The following CBL variants were observed in gnomAD, a reference collection of about 807,000 sequenced individuals.
The protein encoded by CBL is Cbl proto-oncogene, also known as E3 ubiquitin-protein ligase CBL.
CBL carries 45 observed loss-of-function variants against 96.9 expected under a neutral mutation model. The ratio of observed to expected loss-of-function variants is 0.46; its 90% CI spans 0.37 to 0.60. The LOEUF (loss-of-function observed/expected upper bound fraction) is 0.60, where lower values mean the gene tolerates loss of function less well. CBL is among the 20% of genes least tolerant of loss of function. The pLI, the probability that CBL is intolerant of heterozygous loss-of-function variation, is 0.00. For missense variants in CBL, 1,024 were observed against 1,143.5 expected (o/e 0.90, Z 1.51); for synonymous variants, 420 against 426.8 (o/e 0.98, Z 0.20).
intron 1 of CBL, among the ~76,000 whole-genome samples, chr11:119,210,132 T>C (rs1428115517): frequency 6.6e-6 from 1 of 152,090 alleles, no homozygotes; most frequent in Non-Finnish European, 1.5e-5. Context: ...ATCCCAACAC[T>C]TTGGGAGGAT....
chr11:119,266,650 C>T (rs1949805279), intron 2 of CBL, among the ~76,000 whole-genome samples: 1 of 151,902 alleles, frequency 6.6e-6, no homozygotes, highest in Admixed American at 6.6e-5. Flanking sequence ...ATACTGCATA[C>T]AGAATCAGCA....
In CBL at chr11:119,256,865, A is replaced by G. The variant is rs537088247; in HGVS notation, c.444-14870A>G. ...TACTTCACTTAGAATAATGGCCTCC[A>G]GCTCCGTCCAAGTTGCTGGAAAAGA... On this transcript the variant is annotated intron_variant, in intron 2 of 15. Coordinates refer to ENST00000264033, the MANE Select transcript of CBL (RefSeq NM_005188.4). Among the ~76,000 whole-genome samples the G allele has an allele frequency of 3.9e-4, 59 of 152,208 alleles. No individual in the cohort carries two copies. The South Asian group carries it at 7.7e-3, about 20-fold the overall frequency.
At chr11:119,252,458 T>C (rs952049524) in intron 2 of CBL, among the ~76,000 whole-genome samples, 4 of 152,204 alleles carry the variant, frequency 2.6e-5, no homozygotes, top group African/African-American at 9.7e-5. Flanking sequence ...AAGAAAATCT[T>C]CCATTGTGCT....
At chr11:119,295,601 T>C (rs1950057990) in intron 12 of CBL, among the ~76,000 whole-genome samples, 1 of 151,986 alleles carries the variant, frequency 6.6e-6, no homozygotes, top group African/African-American at 2.4e-5. Flanking sequence ...TTGTGGCACA[T>C]GTCTAGTCCC....
At chr11:119,235,788 T>G (rs929735461) in intron 2 of CBL, among the ~76,000 whole-genome samples, 1 of 152,238 alleles carries the variant, frequency 6.6e-6, no homozygotes, top group Non-Finnish European at 1.5e-5. Flanking sequence ...TTTTGCCTCT[T>G]TTTAAACCTC....
At chr11:119,289,519 C>T (rs1309724635) in intron 12 of CBL, 1 of 151,458 alleles carries the variant, frequency 6.6e-6, no homozygotes, top group African/African-American at 2.4e-5. Context: ...ATTTGCATAA[C>T]CTCTGTATTA....
chr11:119,230,693 A>C (rs917984210), intron 1 of CBL, among the ~76,000 whole-genome samples: 2 of 152,192 alleles, frequency 1.3e-5, no homozygotes, highest in African/African-American at 4.8e-5. Flanking sequence ...CAAAGTTTTC[A>C]ATAGTTTTTC....
chr11:119,210,603 ATTTTTT>A (rs768564444), intron 1 of CBL, among the ~76,000 whole-genome samples: 32 of 98,654 alleles, frequency 3.2e-4, no homozygotes, highest in African/African-American at 1.3e-3. Context: ...TAATTTTTCA[ATTTTTT>A]TTTTTTTTTT....
At chr11:119,225,899 T>C (rs1234726934) in intron 1 of CBL, among the ~76,000 whole-genome samples, 1 of 152,046 alleles carries the variant, frequency 6.6e-6, no homozygotes, top group African/African-American at 2.4e-5. Context: ...GGCTAATTTT[T>C]TGTGTTTTTA....
intron 2 of CBL, among the ~76,000 whole-genome samples, chr11:119,233,863 T>G (rs962528436): frequency 6.6e-6 from 1 of 152,234 alleles, no homozygotes; most frequent in African/African-American, 2.4e-5. Flanking sequence ...TTGGGCCTGT[T>G]GGCCTAGATT....
intron 15 of CBL, 142 bp downstream of exon 15, chr11:119,298,682 G>A: frequency 1.3e-6 from 1 of 770,172 alleles, no homozygotes; most frequent in Non-Finnish European, 2.3e-6. Flanking sequence ...AAAGTCCCAA[G>A]TTAGGAAGTT....
In CBL at chr11:119,305,480, G is replaced by T. The variant is rs1323897861; in HGVS notation, c.*5699G>T. On this transcript the variant is annotated 3_prime_UTR_variant, in exon 16 of 16. Coordinates refer to ENST00000264033, the MANE Select transcript of CBL (RefSeq NM_005188.4). ...TTGAAAATGTTCATTCTCTGGGCTTGTGGCCTGTCTCCTCCACTCTCCTCC... is the reference window on the plus strand; with the variant it reads ...TTGAAAATGTTCATTCTCTGGGCTTTTGGCCTGTCTCCTCCACTCTCCTCC... 4.3e-6 allele frequency: 1 copy of T among 231,046 alleles called. No homozygotes were observed. The highest frequency in any genetic ancestry group is 8.6e-6 in the Non-Finnish European group (1 of 116,758). 14.3% of individuals were successfully genotyped at this position (231,046 alleles called of 1,614,324 possible). A position where few individuals can be genotyped will look rare whatever the true frequency, so the allele number is the denominator to read the frequency against.
At chr11:119,236,393 T>C (rs933981703) in intron 2 of CBL, among the ~76,000 whole-genome samples, 1 of 152,048 alleles carries the variant, frequency 6.6e-6, no homozygotes, top group Non-Finnish European at 1.5e-5. Flanking sequence ...AATTCACCCA[T>C]ATTGTAGCAT....
chr11:119,269,722 G>GC (rs1325434327), intron 2 of CBL, among the ~76,000 whole-genome samples: 1 of 152,102 alleles, frequency 6.6e-6, no homozygotes, highest in Non-Finnish European at 1.5e-5. Flanking sequence ...TATGCCGGGC[G>GC]CGGTGGCTCA....
rs765968487 is a variant in CBL, at chr11:119,271,807, A to C, written c.516A>C (p.Gly172=). The change falls in exon 3 of 16, where the codon GGA becomes GGC. Residue 172 remains glycine (G), a synonymous_variant. Transcript: ENST00000264033. Reference sequence around the variant, plus strand: ...AACTAAAAGGAATCTTTCCAAGTGGACTCTTTCAGGGAGACACATTTCGGA... The same window carrying C: ...AACTAAAAGGAATCTTTCCAAGTGGCCTCTTTCAGGGAGACACATTTCGGA... ...LAELKGIFPS[G]LFQGDTFRIT... is the part of the protein sequence containing the mutation. 6.2e-7 allele frequency: 1 copy of C among 1,613,760 alleles called. No individual in the cohort carries two copies. The highest frequency in any genetic ancestry group is 2.2e-5 in the East Asian group (1 of 44,864).
At chr11:119,278,776 C>T (rs1193086505) in intron 9 of CBL, 63 bp downstream of exon 9, 1 of 1,255,322 alleles carries the variant, frequency 8.0e-7, no homozygotes, top group East Asian at 2.3e-5. Context: ...AGCCGTAAAA[C>T]ACTTAACGAT....
At chr11:119,214,536 A>G (rs1949342559) in intron 1 of CBL, among the ~76,000 whole-genome samples, 1 of 152,226 alleles carries the variant, frequency 6.6e-6, no homozygotes, top group Non-Finnish European at 1.5e-5. Flanking sequence ...GGTGTGAGCC[A>G]CCGTGCCTGG....
chr11:119,221,723 C>T (rs925374270), intron 1 of CBL, among the ~76,000 whole-genome samples: 4 of 150,080 alleles, frequency 2.7e-5, no homozygotes, highest in South Asian at 2.1e-4. Flanking sequence ...AGCCAAGTCG[C>T]GCCACTGCAC....
chr11:119,221,063 G>A (rs1156397622), intron 1 of CBL, among the ~76,000 whole-genome samples: 1 of 151,924 alleles, frequency 6.6e-6, no homozygotes, highest in Non-Finnish European at 1.5e-5. Flanking sequence ...TGTTCAACAT[G>A]TGAAACCCCG....
Sources: allele counts gnomAD v4.1 joint callset (sites outside exome capture counted in the v4.1 genomes callset), GRCh38; gene constraint gnomAD v4.1.1; transcripts MANE v1.5; gene names NCBI Gene and HGNC (gene_info 2026-07-23, HGNC 2026-07-21).